Variants in AKAP13 observed in about 807,000 individuals in gnomAD.
AKAP13 encodes A-kinase anchor protein 13.
Under a neutral mutation model 264.5 loss-of-function variants are expected in AKAP13, and 80 were observed. The observed-to-expected ratio is 0.30, with a 90% confidence interval of 0.25 to 0.36. The LOEUF (loss-of-function observed/expected upper bound fraction) is 0.36, where lower values mean the gene tolerates loss of function less well. Among genes scored for constraint, AKAP13 ranks in the 10% least tolerant of loss-of-function variants. The probability of loss-of-function intolerance (pLI) is 1.00; values close to 1 mark genes in which losing one functional copy is unlikely to be tolerated. For synonymous variants in AKAP13, 1,380 were observed against 1,250.2 expected (o/e 1.10, Z -2.19); for missense variants, 3,712 against 3,435.2 (o/e 1.08, Z -2.01).
At chr15:85,607,358 T>C (rs2080397191) in intron 8 of AKAP13, among the ~76,000 whole-genome samples, 1 of 152,200 alleles carries the variant, frequency 6.6e-6, no homozygotes, top group Admixed American at 6.5e-5. Context: ...TTACCATAGT[T>C]ACTTGGTTTT....
intron 1 of AKAP13, among the ~76,000 whole-genome samples, chr15:85,484,102 C>T (rs192673525): frequency 7.9e-5 from 12 of 152,166 alleles, no homozygotes; most frequent in African/African-American, 2.2e-4. Flanking sequence ...CTTTCATTCC[C>T]ATGTCCTAGG....
At chr15:85,607,405 T>G (rs1190563916) in intron 8 of AKAP13, among the ~76,000 whole-genome samples, 1 of 152,220 alleles carries the variant, frequency 6.6e-6, no homozygotes, top group Non-Finnish European at 1.5e-5. Context: ...CTTAAATACC[T>G]CCTTTTAAAA....
At chr15:85,738,706 C>T (rs1367399301) in intron 33 of AKAP13, among the ~76,000 whole-genome samples, 5 of 150,714 alleles carry the variant, frequency 3.3e-5, no homozygotes, top group Non-Finnish European at 5.9e-5. Context: ...GGCGCGGTGG[C>T]GGGCGCCTGT....
intron 11 of AKAP13, among the ~76,000 whole-genome samples, chr15:85,657,059 T>G (rs564140192): frequency 9.2e-5 from 14 of 152,146 alleles, no homozygotes; most frequent in African/African-American, 2.9e-4. Flanking sequence ...GATGGGAGGA[T>G]TGCTTCAGCC....
chr15:85,396,608 A>AT (rs1173096444), intron 1 of AKAP13, among the ~76,000 whole-genome samples: 1 of 152,106 alleles, frequency 6.6e-6, no homozygotes, highest in Non-Finnish European at 1.5e-5. Context: ...CTTTTTAGTG[A>AT]TTTTTAAATG....
In AKAP13 at chr15:85,580,580, C is replaced by T. The variant is rs748198504; in HGVS notation, c.2512C>T (p.Arg838Trp). 1.2e-5 allele frequency: 19 copies of T among 1,614,078 alleles called. No homozygotes were observed. Among genetic ancestry groups the T allele is most frequent in the Admixed American group, 3.3e-5 (2 of 60,002 alleles). ...PDGNSNEPDT[R>W]PLEDRAVGLS... is the part of the protein sequence containing the mutation. ...TGGAAATTCGAATGAGCCTGATACG[C>T]GGCCACTAGAAGACAGGGCAGTAGG... Residue 838 changes from arginine to tryptophan, a missense_variant, in exon 7 of 37, where the codon CGG (arginine) becomes TGG (tryptophan). This residue lies in a region of AKAP13 where 2,759 missense variants were observed against 2,411.7 expected (regional missense o/e 1.14). Transcript: ENST00000394518.
chr15:85,404,902 CCTT>C (rs1418593199), intron 1 of AKAP13, among the ~76,000 whole-genome samples: 1 of 152,198 alleles, frequency 6.6e-6, no homozygotes, highest in Non-Finnish European at 1.5e-5. Flanking sequence ...GCACTTACCT[CCTT>C]CTAGCTATTA....
At chr15:85,725,454 G>C (rs918615704) in intron 26 of AKAP13, among the ~76,000 whole-genome samples, 1 of 152,030 alleles carries the variant, frequency 6.6e-6, no homozygotes, top group Non-Finnish European at 1.5e-5. Context: ...TTTCATAACT[G>C]ATGGCAGTAC....
intron 5 of AKAP13, chr15:85,555,235 T>A (rs1318521157): frequency 6.3e-6 from 1 of 159,580 alleles, no homozygotes; most frequent in South Asian, 2.0e-4. Context: ...CAGCTCCATT[T>A]GAGTAGAGTT....
At chr15:85,723,442 C>T (rs2087414691) in intron 26 of AKAP13, 122 bp downstream of exon 26, 1 of 1,345,326 alleles carries the variant, frequency 7.4e-7, no homozygotes, top group Non-Finnish European at 1.0e-6. Flanking sequence ...AAACACTACC[C>T]AGGAGCAACA....
At chr15:85,716,324 C>G (rs958503847) in intron 20 of AKAP13, among the ~76,000 whole-genome samples, 2 of 152,160 alleles carry the variant, frequency 1.3e-5, no homozygotes, top group African/African-American at 4.8e-5. Flanking sequence ...TGTTTTGTTT[C>G]TTCTTACCTC....
chr15:85,478,886 C>A (rs1366825281), intron 1 of AKAP13, among the ~76,000 whole-genome samples: 1 of 152,080 alleles, frequency 6.6e-6, no homozygotes, highest in African/African-American at 2.4e-5. Context: ...AGCAAAGGAT[C>A]ACCAGATTTG....
At position 85,744,981 on chromosome 15, in the gene AKAP13, G is replaced by T. The variant is rs1217799192; in HGVS notation, c.*304G>T. 2 of 288,304 alleles carry T rather than the reference G, an allele frequency of 6.9e-6. No homozygotes were observed. Among genetic ancestry groups the T allele is most frequent in the Non-Finnish European group, 1.3e-5 (2 of 154,416 alleles). The allele number at this position is 288,304 out of a possible 1,614,324, so 17.9% of individuals were successfully genotyped here. On this transcript the variant is annotated 3_prime_UTR_variant, in exon 37 of 37. Transcript: ENST00000394518. ...AAGTACAGGTGATGGTTTTGGACAC[G>T]TCAGGAATTCCTAAAGGCTGAAAGA...
At chr15:85,559,324 A>G (rs2078271923) in intron 5 of AKAP13, among the ~76,000 whole-genome samples, 2 of 152,216 alleles carry the variant, frequency 1.3e-5, no homozygotes, top group Admixed American at 1.3e-4. Context: ...AATAATATTT[A>G]AATAGAAATC....
At chr15:85,460,893 T>G (rs978590191) in intron 1 of AKAP13, among the ~76,000 whole-genome samples, 25 of 152,180 alleles carry the variant, frequency 1.6e-4, no homozygotes, top group Admixed American at 1.6e-3. Context: ...GGCACCTTGA[T>G]TTTTAGCCCT....
At chr15:85,631,653 G>A (rs2081833241) in intron 8 of AKAP13, among the ~76,000 whole-genome samples, 1 of 152,056 alleles carries the variant, frequency 6.6e-6, no homozygotes, top group South Asian at 2.1e-4. Flanking sequence ...TTACTTAATA[G>A]TAATGTACCA....
chr15:85,530,331 A>G lies in AKAP13; in HGVS notation c.182-3253A>G, dbSNP rs868663508. On this transcript the variant is annotated intron_variant, in intron 3 of 36. Transcript: ENST00000394518. ...GTTTTGGGTAAGGTAGCATTGCTTCACCATGGCTCTTTGCTGTGTGAATGG... is the reference window on the plus strand; with the variant it reads ...GTTTTGGGTAAGGTAGCATTGCTTCGCCATGGCTCTTTGCTGTGTGAATGG... Among the ~76,000 whole-genome samples the G allele has an allele frequency of 1.6e-4, 24 of 152,190 alleles. 1 individual carries two copies. The highest frequency in any genetic ancestry group is 6.5e-4 in the Admixed American group (10 of 15,284).
In AKAP13 at chr15:85,741,377, A is replaced by G. The variant is rs2088953122; in HGVS notation, c.7940A>G (p.Tyr2647Cys). The change falls in exon 35 of 37, where the codon TAC becomes TGC. Residue 2647 changes from tyrosine (Y) to cysteine (C), a missense_variant. Tyr to Cys is a radical substitution (Grantham distance 194). This residue lies in a region of AKAP13 where 611 missense variants were observed against 539.3 expected (regional missense o/e 1.13). Transcript: ENST00000394518. ...REELQQKKGT[Y>C]QYDLERLRAA... The stretch of plus-strand genomic sequence containing the variant: ...GAGCTCCAGCAGAAGAAGGGCACAT[A>G]CCAGTATGACCTGGAGCGACTGCGT... 1 of 1,613,980 alleles carries G rather than the reference A, an allele frequency of 6.2e-7. No homozygotes were observed. Among genetic ancestry groups the G allele is most frequent in the South Asian group, 1.1e-5 (1 of 91,078 alleles).
intron 1 of AKAP13, among the ~76,000 whole-genome samples, chr15:85,451,693 C>G (rs1247975150): frequency 1.3e-5 from 2 of 152,280 alleles, no homozygotes; most frequent in South Asian, 4.1e-4. Context: ...AATATAGGCC[C>G]CCAGTCTCTT....
Sources: gnomAD v4.1 joint callset for allele counts (sites outside exome capture counted in the v4.1 genomes callset) on GRCh38, gnomAD v4.1.1 for gene constraint, gnomAD v4.1.1 regional missense constraint, MANE v1.5 for transcripts, NCBI Gene and HGNC (gene_info 2026-07-23, HGNC 2026-07-21) for gene names.